CUL7: variants seen among roughly 807,000 people sequenced by gnomAD.
CUL7 encodes cullin-7.
In CUL7, 96 loss-of-function variants were observed where a neutral mutation model predicts 177.7. The ratio of observed to expected loss-of-function variants is 0.54; its 90% CI spans 0.46 to 0.64. The LOEUF is 0.64. Ranked by LOEUF, CUL7 falls within the 30% of genes least tolerant of loss-of-function variation. The probability of loss-of-function intolerance (pLI) is 0.00; values close to 1 mark genes in which losing one functional copy is unlikely to be tolerated. For missense variants in CUL7, 1,893 were observed against 2,187.9 expected (o/e 0.87, Z 2.69); for synonymous variants, 824 against 890.2 (o/e 0.93, Z 1.32).
At chr6:43,039,121 T>C (rs1365896270) in intron 22 of CUL7, 134 bp from the exon 23 acceptor site, 2 of 675,032 alleles carry the variant, frequency 3.0e-6, no homozygotes, top group Non-Finnish European at 5.3e-6. Context: ...ACACTGGGGC[T>C]TCTGGTCTGA....
In CUL7 at chr6:43,048,339, C is replaced by T. The variant is rs141455597; in HGVS notation, c.2056G>A (p.Val686Met). Residue 686 changes from valine (V) to methionine (M), a missense_variant, in exon 8 of 26, where the codon GTG becomes ATG. By Grantham distance (21) the Val-to-Met change is conservative. This residue lies in a region of CUL7 where 973 missense variants were observed against 1,140.9 expected (regional missense o/e 0.85). Transcript: ENST00000265348. Reference protein sequence around the residue: ...PETNRTLHLTVLRILKQLVDF... With the variant: ...PETNRTLHLTMLRILKQLVDF... ...CTGTCACCATGCTCTCACCTCAGCA[C>T]AGTCAGGTGCAGGGTCCTGTTAGTC... 13 of 1,608,360 alleles carry T rather than the reference C, an allele frequency of 8.1e-6. No individual in the cohort carries two copies. Among genetic ancestry groups the T allele is most frequent in the African/African-American group, 1.3e-5 (1 of 74,944 alleles).
At position 43,044,841 on chromosome 6, in the gene CUL7, A is replaced by T; in HGVS notation, c.3083T>A (p.Phe1028Tyr). The T allele has an allele frequency of 6.2e-7, 1 of 1,613,914 alleles. No homozygotes were observed. Among genetic ancestry groups the T allele is most frequent in the African/African-American group, 1.3e-5 (1 of 75,026 alleles). ...TTGGGCAGCCTCGTCATCAGGGAGG[A>T]AGCGGTCAGCAAAATTCTGCTCCTG... ...LRQEQNFADRFLPDDEAAQAL... is the reference protein window; with the variant it reads ...LRQEQNFADRYLPDDEAAQAL... Residue 1028 changes from phenylalanine to tyrosine, a missense_variant, in exon 16 of 26, where the codon TTC becomes TAC. Around this residue, in one of 5 missense-constraint regions of CUL7, gnomAD observed 973 missense variants for 1,140.9 expected, o/e 0.85. Transcript: ENST00000265348.
Position 43,046,670 on chromosome 6 carries a change from G to A in CUL7, c.2398-69C>T, listed in dbSNP as rs753711745. ...AACACGGAGACACACACGGAAACAC[G>A]GATGAAGGAGAGACCATGCAGCAGT... is the stretch of plus-strand genomic sequence containing the variant. On this transcript the variant is annotated intron_variant, in intron 10 of 25. Coordinates refer to ENST00000265348, the MANE Select transcript of CUL7 (RefSeq NM_014780.5). The A allele has an allele frequency of 4.4e-5, 71 of 1,596,564 alleles. 1 individual carries two copies. In the South Asian group the frequency reaches 5.9e-4, roughly 13 times the overall value.
Position 43,038,974 on chromosome 6 carries a change from AG to A in CUL7, c.4307del (p.Pro1436LeufsTer44). 6.2e-7 allele frequency: 1 copy of A among 1,611,350 alleles called. No homozygotes were observed. The highest frequency in any genetic ancestry group is 1.1e-5 in the South Asian group (1 of 91,020). ...SNFYNKSQSHPALERGSQRRL... is the reference protein window; with the variant it reads ...SNFYNKSQSHXALERGSQRRL... ...GCCTCTGTGAGCCTCGCTCAAGGGC[AG>A]GGTGGCTCTGACCTGGACCAGGAAG... On this transcript the variant is annotated frameshift_variant, in exon 23 of 26. Coordinates refer to ENST00000265348, the MANE Select transcript of CUL7 (RefSeq NM_014780.5). LOFTEE classifies it high-confidence loss of function.
Position 43,037,844 on chromosome 6 carries a change from T to G in CUL7, c.4941A>C (p.Ala1647=). 1 of 1,613,262 alleles carries G rather than the reference T, an allele frequency of 6.2e-7. No individual in the cohort carries two copies. The highest frequency in any genetic ancestry group is 8.5e-7 in the Non-Finnish European group (1 of 1,179,688). ...GAGGCTCCATGACAGTCACAGGGAC[T>G]GCATAGGACAGCACCTGGGGCCGGT... The part of the protein sequence containing the change: ...HDDRPQVLSY[A]VPVTVMEPHT... The change falls in exon 26 of 26, where the codon GCA becomes GCC. Residue 1647 remains alanine (A), a synonymous_variant. Transcript: ENST00000265348.
At chr6:43,038,099 G>C in intron 25 of CUL7, 88 bp from the exon 26 acceptor site, 1 of 1,516,832 alleles carries the variant, frequency 6.6e-7, no homozygotes, top group Non-Finnish European at 8.9e-7. Context: ...CCAGCTGCTA[G>C]GACAGGATGC....
rs773784044 is a variant in CUL7, at chr6:43,038,587, C to T, written c.4546G>A (p.Glu1516Lys). The T allele has an allele frequency of 6.8e-6, 11 of 1,613,950 alleles. No individual in the cohort carries two copies. Among genetic ancestry groups the T allele is most frequent in the African/African-American group, 1.3e-5 (1 of 74,908 alleles). Residue 1516 changes from glutamate to lysine, a missense_variant, in exon 24 of 26, where the codon GAG becomes AAG. Physicochemically the swap from Glu to Lys is moderately conservative, Grantham distance 56. Coordinates refer to ENST00000265348, the MANE Select transcript of CUL7 (RefSeq NM_014780.5). ...TSSRGPLDLHEQKDIPGGVLK... is the reference protein window; with the variant it reads ...TSSRGPLDLHKQKDIPGGVLK... ...ATACCTCCTGGTATATCCTTTTGCTCGTGAAGGTCCAGGGGGCCTCTTGAA... is the reference window on the plus strand; with the variant it reads ...ATACCTCCTGGTATATCCTTTTGCTTGTGAAGGTCCAGGGGGCCTCTTGAA...
Position 43,046,529 on chromosome 6 carries a change from G to A in CUL7, c.2470C>T (p.Leu824Phe), listed in dbSNP as rs749011375. The change falls in exon 11 of 26, where the codon CTC (leucine) becomes TTC (phenylalanine). Residue 824 changes from leucine to phenylalanine, a missense_variant. Coordinates refer to ENST00000265348, the MANE Select transcript of CUL7 (RefSeq NM_014780.5). Reference protein sequence around the residue: ...PINIPFFDVFLRYLCQGSSVE... With the variant: ...PINIPFFDVFFRYLCQGSSVE... ...CACGAACCCTGGCACAGGTATCTGAGGAACACATCAAAGAAAGGGATGTTG... is the reference window on the plus strand; with the variant it reads ...CACGAACCCTGGCACAGGTATCTGAAGAACACATCAAAGAAAGGGATGTTG... The A allele has an allele frequency of 1.9e-6, 3 of 1,614,206 alleles. No individual in the cohort carries two copies. The highest frequency in any genetic ancestry group is 2.5e-6 in the Non-Finnish European group (3 of 1,180,040).
Position 43,046,098 on chromosome 6 carries a change from G to A in CUL7, c.2661-7C>T. ...CACAAGCAGAGTCAGTTGCCTGGGAGTGGGGAGGAAAAACCATTTGGAACT... is the reference window on the plus strand; with the variant it reads ...CACAAGCAGAGTCAGTTGCCTGGGAATGGGGAGGAAAAACCATTTGGAACT... On this transcript the variant is annotated splice_region_variant and splice_polypyrimidine_tract_variant and intron_variant, in intron 12 of 25. Transcript: ENST00000265348. 6.2e-7 allele frequency: 1 copy of A among 1,613,944 alleles called. No homozygotes were observed. The highest frequency in any genetic ancestry group is 8.5e-7 in the Non-Finnish European group (1 of 1,179,818).
In CUL7 at chr6:43,040,801, C is replaced by T; in HGVS notation, c.3807-55G>A. On this transcript the variant is annotated intron_variant, in intron 20 of 25. Coordinates refer to ENST00000265348, the MANE Select transcript of CUL7 (RefSeq NM_014780.5). This position sits in a 1 kb window ranked among gnomAD's most constrained non-coding sequence, Gnocchi z 4.2. Reference sequence around the variant, plus strand: ...CAGTGTGGGCACCAGTGTGGCCCAGCCTCCCACTCCAAGGCTCCAGCCTGC... The same window carrying T: ...CAGTGTGGGCACCAGTGTGGCCCAGTCTCCCACTCCAAGGCTCCAGCCTGC... The T allele has an allele frequency of 6.2e-7, 1 of 1,602,800 alleles. No individual in the cohort carries two copies. The highest frequency in any genetic ancestry group is 1.7e-5 in the Admixed American group (1 of 59,902).
rs552325363 is a variant in CUL7 at position 43,049,642 on chromosome 6, T to G, written c.1590A>C (p.Leu530=). 3.6e-5 allele frequency: 58 copies of G among 1,614,120 alleles called. No homozygotes were observed. The East Asian group carries it at 1.2e-3, about 34-fold the overall frequency. ...ATTCTATGGGCACGGCCAGTTCAGC[T>G]AGGATCTCATCATCCAGAATCTGCC... ...LDGEILDDEI[L]AELAVPIELA... The change falls in exon 7 of 26, where the codon CTA becomes CTC. Residue 530 remains leucine (L), a synonymous_variant. Coordinates refer to ENST00000265348, the MANE Select transcript of CUL7 (RefSeq NM_014780.5).
rs375125675 is a variant in CUL7 at position 43,045,549 on chromosome 6, C to G, written c.2862+38G>C. Reference sequence around the variant, plus strand: ...TCTGCCTGTTTATGGGGCTCAGAGCCCCCTACCCAGGGCCACACCCCACAT... The same window carrying G: ...TCTGCCTGTTTATGGGGCTCAGAGCGCCCTACCCAGGGCCACACCCCACAT... On this transcript the variant is annotated intron_variant, in intron 14 of 25. Transcript: ENST00000265348. The surrounding 1 kb of genome is among the most constrained non-coding windows in gnomAD (Gnocchi z 4.8). 6.2e-7 allele frequency: 1 copy of G among 1,613,448 alleles called. No homozygotes were observed. Among genetic ancestry groups the G allele is most frequent in the African/African-American group, 1.3e-5 (1 of 74,906 alleles).
At chr6:43,041,148 G>T in intron 19 of CUL7, 73 bp from the exon 20 acceptor site, 1 of 1,486,110 alleles carries the variant, frequency 6.7e-7, no homozygotes, top group Non-Finnish European at 9.3e-7. Context: ...AGGGATGAGG[G>T]TCTGGAAAGT....
rs534858608 is a variant in CUL7 at position 43,045,155 on chromosome 6, C to G, written c.3038+72G>C. The stretch of plus-strand genomic sequence containing the variant: ...CTCCATCTCACAGCTTCTATGGACC[C>G]CTGCCTGCCAGCTATTTGCAATAGC... On this transcript the variant is annotated intron_variant, in intron 15 of 25. Coordinates refer to ENST00000265348, the MANE Select transcript of CUL7 (RefSeq NM_014780.5). This position sits in a 1 kb window ranked among gnomAD's most constrained non-coding sequence, Gnocchi z 4.8. 178 of 1,550,232 alleles carry G rather than the reference C, an allele frequency of 1.1e-4. No individual in the cohort carries two copies. In the African/African-American group the frequency reaches 2.2e-3, roughly 19 times the overall value.
In CUL7 at chr6:43,038,315, G is replaced by A. The variant is rs145884616; in HGVS notation, c.4725C>T (p.Leu1575=). The A allele has an allele frequency of 9.9e-6, 16 of 1,614,178 alleles. No homozygotes were observed. The highest frequency in any genetic ancestry group is 1.2e-5 in the Non-Finnish European group (14 of 1,180,032). The change falls in exon 25 of 26, where the codon CTC becomes CTT. Residue 1575 remains leucine (L), a synonymous_variant. Transcript: ENST00000265348. ...NLLNCLIVRI[L]KAHGDEGLHI... ...GCAGCCCCTCATCTCCATGGGCCTT[G>A]AGGATTCGGACGATGAGGCAGTTCA...
At chr6:43,046,714 C>T in intron 10 of CUL7, 113 bp from the exon 11 acceptor site, 1 of 1,502,548 alleles carries the variant, frequency 6.7e-7, no homozygotes, top group Non-Finnish European at 9.2e-7. Context: ...CTCTACAGCA[C>T]CAGCAGAGCA....
Position 43,047,070 on chromosome 6 carries a change from G to A in CUL7, c.2207C>T (p.Thr736Ile), listed in dbSNP as rs769982524. 3.7e-6 allele frequency: 6 copies of A among 1,612,798 alleles called. No homozygotes were observed. In the Admixed American group the frequency reaches 5.0e-5, roughly 13 times the overall value. ...CACGGCATAGTCCCTGCTCACTGAG[G>A]TCAGGCGGTGCAGGAAGAAAATCAG... The part of the protein sequence containing the change: ...QELIFFLHRL[T>I]SVSRDYAVVL... Residue 736 changes from threonine to isoleucine, a missense_variant, in exon 10 of 26, where the codon ACC (threonine) becomes ATC (isoleucine). Coordinates refer to ENST00000265348, the MANE Select transcript of CUL7 (RefSeq NM_014780.5).
intron 19 of CUL7, 89 bp from the exon 20 acceptor site, chr6:43,041,164 T>G: frequency 7.6e-7 from 1 of 1,315,856 alleles, no homozygotes; most frequent in East Asian, 2.4e-5. Context: ...AAAGTAGATA[T>G]GAATGCTGGC....
chr6:43,051,036 A>C lies in CUL7; in HGVS notation c.1165T>G (p.Tyr389Asp), dbSNP rs201953649. The part of the protein sequence containing the change: ...PGMRVRMLDD[Y>D]EEISAGDEGE... ...TCATCCCCGGCACTGATCTCCTCAT[A>C]ATCATCCAGCATCCGCACTCGCATC... Residue 389 changes from tyrosine to aspartate, a missense_variant, in exon 4 of 26, where the codon TAT (tyrosine) becomes GAT (aspartate). By Grantham distance (160) the Tyr-to-Asp change is radical. This residue lies in a region of CUL7 where 653 missense variants were observed against 725.2 expected (regional missense o/e 0.90). Coordinates refer to ENST00000265348, the MANE Select transcript of CUL7 (RefSeq NM_014780.5). The surrounding 1 kb of genome is among the most constrained non-coding windows in gnomAD (Gnocchi z 5.0). 2.5e-6 allele frequency: 4 copies of C among 1,613,918 alleles called. No homozygotes were observed. The highest frequency in any genetic ancestry group is 3.4e-6 in the Non-Finnish European group (4 of 1,179,936).
Sources: gnomAD v4.1 joint callset for allele counts on GRCh38, gnomAD v4.1.1 for gene constraint, gnomAD v4.1.1 regional missense constraint, Gnocchi (gnomAD v3.1) non-coding constraint, MANE v1.5 for transcripts, NCBI Gene and HGNC (gene_info 2026-07-23, HGNC 2026-07-21) for gene names.